Variants in ANGPT1 observed in about 807,000 individuals in gnomAD.
ANGPT1 encodes the protein angiopoietin-1.
Under a neutral mutation model 62.2 loss-of-function variants are expected in ANGPT1, and 17 were observed. That is an observed-to-expected ratio of 0.27 (90% CI 0.19 to 0.41). ANGPT1 has a LOEUF of 0.41. Ranked by LOEUF, ANGPT1 falls within the 10% of genes least tolerant of loss-of-function variation. ANGPT1 has a pLI of 1.00. For missense variants in ANGPT1, 478 were observed against 594.9 expected (o/e 0.80, Z 2.04); for synonymous variants, 199 against 198.9 (o/e 1.00, Z 0.00).
At chr8:107,484,944 G>A (rs1165133650) in intron 1 of ANGPT1, among the ~76,000 whole-genome samples, 1 of 152,160 alleles carries the variant, frequency 6.6e-6, no homozygotes, top group African/African-American at 2.4e-5. Flanking sequence ...CCTGAGAGAT[G>A]ATAAATATCA....
At chr8:107,446,011 G>A (rs562044615) in intron 1 of ANGPT1, among the ~76,000 whole-genome samples, 1 of 152,236 alleles carries the variant, frequency 6.6e-6, no homozygotes, top group South Asian at 2.1e-4. Context: ...TCTGCCTCCC[G>A]GGGTCAAGCG....
At chr8:107,432,479 G>T (rs1250967113) in intron 1 of ANGPT1, among the ~76,000 whole-genome samples, 1 of 151,996 alleles carries the variant, frequency 6.6e-6, no homozygotes. Flanking sequence ...CCTGGCTAAC[G>T]TAGTGAAACC....
At chr8:107,372,023 A>C (rs2130246683) in intron 1 of ANGPT1, among the ~76,000 whole-genome samples, 1 of 152,270 alleles carries the variant, frequency 6.6e-6, no homozygotes, top group Non-Finnish European at 1.5e-5. Context: ...ATGGACCAAA[A>C]GTGAAATTAC....
At chr8:107,335,108 T>C (rs1815529490) in intron 3 of ANGPT1, among the ~76,000 whole-genome samples, 1 of 152,216 alleles carries the variant, frequency 6.6e-6, no homozygotes, top group African/African-American at 2.4e-5. Context: ...AGAGGCCATG[T>C]GTTATAGTGG....
chr8:107,471,870 ATTTG>A (rs1674097270), intron 1 of ANGPT1, among the ~76,000 whole-genome samples: 1 of 152,022 alleles, frequency 6.6e-6, no homozygotes, highest in Admixed American at 6.6e-5. Flanking sequence ...CAAACATAGG[ATTTG>A]TTTGTGTGTT....
chr8:107,406,951 T>C (rs1449708853), intron 1 of ANGPT1, among the ~76,000 whole-genome samples: 2 of 151,834 alleles, frequency 1.3e-5, no homozygotes, highest in Non-Finnish European at 2.9e-5. Flanking sequence ...AGTCAGTTTA[T>C]ATGTGATGAA....
intron 1 of ANGPT1, among the ~76,000 whole-genome samples, chr8:107,470,409 G>A (rs1314672244): frequency 2.0e-5 from 3 of 152,024 alleles, no homozygotes; most frequent in African/African-American, 7.2e-5. Flanking sequence ...ACTGCAGGAG[G>A]ATAATAGAAT....
intron 1 of ANGPT1, among the ~76,000 whole-genome samples, chr8:107,452,300 A>T: frequency 6.6e-6 from 1 of 151,676 alleles, no homozygotes; most frequent in Non-Finnish European, 1.5e-5. Flanking sequence ...TATAATTAGG[A>T]TCTTACGGAG....
At chr8:107,364,954 G>A (rs895177288) in intron 1 of ANGPT1, among the ~76,000 whole-genome samples, 3 of 137,460 alleles carry the variant, frequency 2.2e-5, no homozygotes. Context: ...AGGATTGGAG[G>A]AAGATTGCAG....
At position 107,454,791 on chromosome 8, in the gene ANGPT1, C is replaced by T. The variant is rs796369927; in HGVS notation, c.297+42471G>A. ...TATTTATTTCCCTGTCCTTTAAATACATACACATATACATATACCTACTCC... is the reference window on the plus strand; with the variant it reads ...TATTTATTTCCCTGTCCTTTAAATATATACACATATACATATACCTACTCC... On this transcript the variant is annotated intron_variant, in intron 1 of 8. Coordinates refer to ENST00000517746, the MANE Select transcript of ANGPT1 (RefSeq NM_001146.5). 4.6e-5 allele frequency among the ~76,000 whole-genome samples: 7 copies of T among 152,124 alleles called. 1 individual carries two copies. Among genetic ancestry groups the T allele is most frequent in the African/African-American group, 1.7e-4 (7 of 41,522 alleles).
At chr8:107,310,238 G>T (rs2130006677) in intron 4 of ANGPT1, among the ~76,000 whole-genome samples, 1 of 152,058 alleles carries the variant, frequency 6.6e-6, no homozygotes, top group Non-Finnish European at 1.5e-5. Context: ...GCTTCATTTT[G>T]TTCAATCCTT....
At chr8:107,343,551 C>T (rs892989681) in intron 2 of ANGPT1, among the ~76,000 whole-genome samples, 2 of 152,132 alleles carry the variant, frequency 1.3e-5, no homozygotes, top group African/African-American at 4.8e-5. Context: ...AGAGCACAGC[C>T]ATTGGTGAGC....
chr8:107,309,587 C>T (rs577927918), intron 4 of ANGPT1, among the ~76,000 whole-genome samples: 1 of 152,176 alleles, frequency 6.6e-6, no homozygotes, highest in African/African-American at 2.4e-5. Context: ...CCAGGCAGTC[C>T]AAGTTTCAAT....
At chr8:107,421,640 G>A (rs552909683) in intron 1 of ANGPT1, among the ~76,000 whole-genome samples, 15 of 152,302 alleles carry the variant, frequency 9.8e-5, no homozygotes, top group African/African-American at 3.4e-4. Flanking sequence ...CAGGTCCGGT[G>A]TGAAAGCAAA....
At chr8:107,412,765 G>A (rs996314777) in intron 1 of ANGPT1, among the ~76,000 whole-genome samples, 1 of 152,070 alleles carries the variant, frequency 6.6e-6, no homozygotes, top group Non-Finnish European at 1.5e-5. Flanking sequence ...TGGGTGCCAT[G>A]GAATTATTAC....
chr8:107,310,310 A>G (rs1160497594), intron 4 of ANGPT1, among the ~76,000 whole-genome samples: 2 of 152,150 alleles, frequency 1.3e-5, no homozygotes, highest in African/African-American at 4.8e-5. Flanking sequence ...TGAAGCTCAG[A>G]AATGCTACTA....
intron 7 of ANGPT1, among the ~76,000 whole-genome samples, chr8:107,266,594 C>T (rs755631011): frequency 3.9e-5 from 6 of 152,152 alleles, no homozygotes; most frequent in African/African-American, 7.2e-5. Context: ...AGCCCATAGG[C>T]GCTCTTGAAT....
chr8:107,492,144 C>G (rs552191657), intron 1 of ANGPT1, among the ~76,000 whole-genome samples: 1 of 152,242 alleles, frequency 6.6e-6, no homozygotes, highest in South Asian at 2.1e-4. Context: ...AGGGCTCTTA[C>G]TTGGCTTGAA....
intron 8 of ANGPT1, among the ~76,000 whole-genome samples, chr8:107,256,502 T>C (rs1361774713): frequency 2.0e-5 from 3 of 152,206 alleles, no homozygotes; most frequent in African/African-American, 7.2e-5. Context: ...TCCTTGTATT[T>C]ACAGGTGATC....
Sources: allele counts gnomAD v4.1 joint callset (sites outside exome capture counted in the v4.1 genomes callset), GRCh38; gene constraint gnomAD v4.1.1; transcripts MANE v1.5; gene names NCBI Gene and HGNC (gene_info 2026-07-23, HGNC 2026-07-21).